The following DMD variants were observed in gnomAD, a reference collection of about 807,000 sequenced individuals.
The protein encoded by DMD is dystrophin.
DMD carries 63 observed loss-of-function variants against 330.1 expected under a neutral mutation model. That is an observed-to-expected ratio of 0.19 (90% CI 0.16 to 0.24). The LOEUF is 0.24. Among genes scored for constraint, DMD ranks in the 10% least tolerant of loss-of-function variants. DMD has a pLI of 1.00. For missense variants in DMD, 3,344 were observed against 2,684.1 expected (o/e 1.25, Z -5.43); for synonymous variants, 1,223 against 959.8 (o/e 1.27, Z -5.07).
chrX:33,068,116 C>G (rs2094693084), intron 1 of DMD, among the ~76,000 whole-genome samples: 1 of 111,806 alleles, frequency 8.9e-6, no homozygotes, highest in South Asian at 3.7e-4. Context: ...TAACAAAGAC[C>G]TTTTAGAGTT....
intron 44 of DMD, among the ~76,000 whole-genome samples, chrX:31,968,771 G>T (rs1324164690): frequency 9.0e-6 from 1 of 111,520 alleles, no homozygotes; most frequent in African/African-American, 3.3e-5. Context: ...GTCAGCTAGA[G>T]GATGTTATAA....
chrX:33,284,964 A>G (rs1178627007), intron 1 of DMD, among the ~76,000 whole-genome samples: 1 of 109,441 alleles, frequency 9.1e-6, no homozygotes, highest in African/African-American at 3.3e-5. Context: ...TTAAAACAGT[A>G]CTTCATAGCA....
chrX:32,025,882 G>A (rs1163643473), intron 44 of DMD, among the ~76,000 whole-genome samples: 1 of 112,006 alleles, frequency 8.9e-6, no homozygotes, highest in Non-Finnish European at 1.9e-5. Context: ...TGAAGAACAA[G>A]TGAGAAAGTG....
intron 53 of DMD, among the ~76,000 whole-genome samples, chrX:31,675,738 A>C (rs1272761522): frequency 8.9e-6 from 1 of 112,032 alleles, no homozygotes; most frequent in African/African-American, 3.2e-5. Context: ...GATGGAAATT[A>C]ATGAAATAAT....
At chrX:31,990,630 TA>T (rs1318165195) in intron 44 of DMD, among the ~76,000 whole-genome samples, 1 of 112,323 alleles carries the variant, frequency 8.9e-6, no homozygotes, top group Non-Finnish European at 1.9e-5. Flanking sequence ...GCAACACATT[TA>T]AAACAAATAG....
At chrX:32,700,274 T>G (rs1344391063) in intron 7 of DMD, among the ~76,000 whole-genome samples, 1 of 111,273 alleles carries the variant, frequency 9.0e-6, no homozygotes, top group African/African-American at 3.3e-5. Context: ...TGAGACAGCA[T>G]GTGTAAATCT....
intron 48 of DMD, among the ~76,000 whole-genome samples, chrX:31,845,411 CT>C (rs1569474914): frequency 7.6e-5 from 8 of 105,176 alleles, no homozygotes; most frequent in African/African-American, 2.1e-4. Context: ...CTCTCTCTCT[CT>C]CTCTCTCTCT....
intron 74 of DMD, among the ~76,000 whole-genome samples, chrX:31,149,573 G>A (rs1321385142): frequency 2.7e-5 from 3 of 112,180 alleles, no homozygotes; most frequent in African/African-American, 9.7e-5. Context: ...TCACATCCAA[G>A]AATGCAGTGA....
intron 44 of DMD, among the ~76,000 whole-genome samples, chrX:31,982,289 C>T (rs1036066565): frequency 9.0e-6 from 1 of 111,598 alleles, no homozygotes; most frequent in South Asian, 3.8e-4. Flanking sequence ...AGTTGCCCAC[C>T]ACCTGAAAAA....
chrX:32,037,822 CTT>C (rs1031036189), intron 44 of DMD, among the ~76,000 whole-genome samples: 8 of 111,668 alleles, frequency 7.2e-5, no homozygotes, highest in African/African-American at 2.6e-4. Context: ...TCTAGAAATT[CTT>C]TGTTTCCAGT....
intron 50 of DMD, among the ~76,000 whole-genome samples, chrX:31,783,757 T>C (rs1013386034): frequency 9.0e-6 from 1 of 111,704 alleles, no homozygotes; most frequent in Admixed American, 9.5e-5. Flanking sequence ...CAGAGTTATG[T>C]AACTGTGATT....
intron 1 of DMD, among the ~76,000 whole-genome samples, chrX:33,171,870 C>G (rs770821130): frequency 9.8e-4 from 109 of 110,709 alleles, no homozygotes; most frequent in Non-Finnish European, 1.9e-3. Flanking sequence ...GCTTTGTACC[C>G]TTTGAGAGAT....
chrX:32,731,428 C>A (rs2067628391), intron 7 of DMD, among the ~76,000 whole-genome samples: 1 of 112,828 alleles, frequency 8.9e-6, no homozygotes, highest in Non-Finnish European at 1.9e-5. Context: ...AGGAGGCCTG[C>A]CTGCCTCTGT....
At chrX:32,242,765 T>A (rs917448638) in intron 43 of DMD, among the ~76,000 whole-genome samples, 12 of 110,737 alleles carry the variant, frequency 1.1e-4, no homozygotes, top group African/African-American at 3.9e-4. Context: ...AATAATAATA[T>A]CATGTAGTTA....
rs192971750 is a variant in DMD, at chrX:32,744,718, G to A, written c.650-45425C>T. On this transcript the variant is annotated intron_variant, in intron 7 of 78. Coordinates refer to ENST00000357033, the MANE Select transcript of DMD (RefSeq NM_004006.3). ...TAGTCATTCCTTAAGTCCCATCAAT[G>A]AATCTTCTCCATCCCAATCAATCCT... Among the ~76,000 whole-genome samples the A allele has an allele frequency of 2.2e-4, 24 of 111,357 alleles. No homozygotes were observed. The Admixed American group carries it at 2.3e-3, about 11-fold the overall frequency.
intron 1 of DMD, among the ~76,000 whole-genome samples, chrX:33,243,625 T>C (rs775629165): frequency 1.8e-4 from 20 of 112,277 alleles, no homozygotes; most frequent in African/African-American, 6.4e-4. Context: ...CTATTCACAA[T>C]AGCAAATATA....
Position 32,752,414 on chromosome X carries a change from C to A in DMD, c.650-53121G>T, listed in dbSNP as rs143084557. ...TTTCAGACTTGCATGTGCCCTGAAG[C>A]CCCTTTGTTTTGGACAATTTCTCCT... On this transcript the variant is annotated intron_variant, in intron 7 of 78. Coordinates refer to ENST00000357033, the MANE Select transcript of DMD (RefSeq NM_004006.3). Among the ~76,000 whole-genome samples, 8 of 110,407 alleles carry A rather than the reference C, an allele frequency of 7.2e-5. No homozygotes were observed. In the East Asian group the frequency reaches 2.3e-3, roughly 32 times the overall value.
At chrX:31,415,623 A>G (rs936081592) in intron 60 of DMD, among the ~76,000 whole-genome samples, 3 of 112,207 alleles carry the variant, frequency 2.7e-5, no homozygotes, top group African/African-American at 9.7e-5. Flanking sequence ...TCATGAGACA[A>G]GGCTGGGTCT....
At chrX:32,351,902 C>T (rs376420953) in intron 37 of DMD, among the ~76,000 whole-genome samples, 1 of 110,443 alleles carries the variant, frequency 9.1e-6, no homozygotes, top group East Asian at 2.8e-4. Context: ...AACTGAAGTG[C>T]TAATTATTCA....
Sources: allele counts gnomAD v4.1 joint callset (sites outside exome capture counted in the v4.1 genomes callset), GRCh38; gene constraint gnomAD v4.1.1; transcripts MANE v1.5; gene names NCBI Gene and HGNC (gene_info 2026-07-23, HGNC 2026-07-21).